TCF3: variants seen among roughly 807,000 people sequenced by gnomAD.
TCF3 encodes the protein transcription factor E2-alpha.
TCF3 carries 54 observed loss-of-function variants against 72.3 expected under a neutral mutation model. The ratio of observed to expected loss-of-function variants is 0.75; its 90% CI spans 0.60 to 0.94. TCF3 has a LOEUF of 0.94. TCF3 is among the 40% of genes least tolerant of loss of function. The probability of loss-of-function intolerance (pLI) is 0.00; values close to 1 mark genes in which losing one functional copy is unlikely to be tolerated. For synonymous variants in TCF3, 525 were observed against 412.6 expected, an observed-to-expected ratio of 1.27 and a Z score of -3.30; for missense variants, 1,078 against 934.4, an observed-to-expected ratio of 1.15 and a Z score of -2.00.
Position 1,611,580 on chromosome 19 carries a change from G to A in TCF3, c.*127C>T. On this transcript the variant is annotated 3_prime_UTR_variant, in exon 19 of 19. Transcript: ENST00000262965. Reference sequence around the variant, plus strand: ...TCACTCCGAACCTTGTCAGGTTGGTGTTGGCTCGATGCTGACAACAGGTGT... The same window carrying A: ...TCACTCCGAACCTTGTCAGGTTGGTATTGGCTCGATGCTGACAACAGGTGT... The A allele has an allele frequency of 1.5e-6, 2 of 1,347,274 alleles. No homozygotes were observed. The highest frequency in any genetic ancestry group is 2.5e-5 in the East Asian group (1 of 39,672). 83.5% of individuals were successfully genotyped at this position (1,347,274 alleles called of 1,614,324 possible).
chr19:1,626,435 C>T (rs180756249), intron 6 of TCF3, among the ~76,000 whole-genome samples: 8 of 150,918 alleles, frequency 5.3e-5, no homozygotes, highest in Non-Finnish European at 1.2e-4. Flanking sequence ...GGGCCATGAG[C>T]GAAACTCCGT....
intron 3 of TCF3, among the ~76,000 whole-genome samples, chr19:1,634,918 C>A (rs1430686599): frequency 1.3e-5 from 2 of 152,220 alleles, no homozygotes; most frequent in Non-Finnish European, 2.9e-5. Context: ...ATCTGTCCTG[C>A]ACAGCCAACA....
At chr19:1,629,013 A>C (rs113296517) in intron 5 of TCF3, among the ~76,000 whole-genome samples, 1 of 25,538 alleles carries the variant, frequency 3.9e-5, no homozygotes, top group Admixed American at 4.5e-4. Flanking sequence ...CACGGGGGTG[A>C]GGCGGGAAGG....
Position 1,611,314 on chromosome 19 carries a change from T to A in TCF3, c.*393A>T. The A allele has an allele frequency of 5.3e-6, 2 of 378,244 alleles. No individual in the cohort carries two copies. Among genetic ancestry groups the A allele is most frequent in the African/African-American group, 2.1e-5 (1 of 48,426 alleles). 23.4% of individuals were successfully genotyped at this position (378,244 alleles called of 1,614,324 possible). On this transcript the variant is annotated 3_prime_UTR_variant, in exon 19 of 19. Coordinates refer to ENST00000262965, the MANE Select transcript of TCF3 (RefSeq NM_003200.5). ...TTCTCCGCTTTTTATAGTTAAGGCATTTTTTTCTTCTCTGACAAAGTGTAT... is the reference window on the plus strand; with the variant it reads ...TTCTCCGCTTTTTATAGTTAAGGCAATTTTTTCTTCTCTGACAAAGTGTAT...
intron 3 of TCF3, 38 bp from the exon 4 acceptor site, chr19:1,632,443 C>T (rs540989160): frequency 7.7e-6 from 12 of 1,549,190 alleles, no homozygotes; most frequent in Admixed American, 1.9e-5. Context: ...GTCACCCTCA[C>T]GCCTGCCCAG....
chr19:1,638,305 G>T (rs543411143), intron 3 of TCF3, among the ~76,000 whole-genome samples: 37 of 152,306 alleles, frequency 2.4e-4, no homozygotes, highest in African/African-American at 8.4e-4. Flanking sequence ...ACTATTTAAT[G>T]ATACAAATGT....
chr19:1,643,266 G>A (rs1292538856), intron 3 of TCF3, among the ~76,000 whole-genome samples: 1 of 152,184 alleles, frequency 6.6e-6, no homozygotes, highest in Non-Finnish European at 1.5e-5. Context: ...TGTCACCCAG[G>A]CTGCAGGGCA....
At chr19:1,636,755 G>A (rs543561363) in intron 3 of TCF3, among the ~76,000 whole-genome samples, 1 of 152,158 alleles carries the variant, frequency 6.6e-6, no homozygotes, top group Non-Finnish European at 1.5e-5. Flanking sequence ...AGGATCCCGA[G>A]TGGGGGAGAA....
chr19:1,629,937 C>T (rs536109957), intron 5 of TCF3, among the ~76,000 whole-genome samples: 12 of 152,296 alleles, frequency 7.9e-5, no homozygotes, highest in African/African-American at 2.6e-4. Context: ...AGGCCACACC[C>T]GGCCACAGCA....
At chr19:1,642,276 G>GCACGCA (rs2065431540) in intron 3 of TCF3, among the ~76,000 whole-genome samples, 5 of 128,554 alleles carry the variant, frequency 3.9e-5, no homozygotes, top group Non-Finnish European at 5.3e-5. Flanking sequence ...GCACGCACAC[G>GCACGCA]CACAGACGCG....
At chr19:1,621,720 C>CT in intron 11 of TCF3, 118 bp downstream of exon 11, 1 of 1,334,946 alleles carries the variant, frequency 7.5e-7, no homozygotes, top group Non-Finnish European at 9.9e-7. Flanking sequence ...CAACAACCCG[C>CT]TCTCAGGGCC....
At position 1,622,084 on chromosome 19, in the gene TCF3, C is replaced by A; in HGVS notation, c.792G>T (p.Thr264=). Residue 264 remains threonine, a synonymous_variant, in exon 10 of 19, where the codon ACG becomes ACT. Coordinates refer to ENST00000262965, the MANE Select transcript of TCF3 (RefSeq NM_003200.5). Reference sequence around the variant, plus strand: ...GCTCGTGCTGGTGCAGGCCACCAAACGTGCTGCTGCTTCCACTGCTGCCCA... The same window carrying A: ...GCTCGTGCTGGTGCAGGCCACCAAAAGTGCTGCTGCTTCCACTGCTGCCCA... The part of the protein sequence containing the change: ...GPVGSSGSSS[T]FGGLHQHERM... 4.4e-6 allele frequency: 7 copies of A among 1,600,962 alleles called. No individual in the cohort carries two copies. The highest frequency in any genetic ancestry group is 6.0e-6 in the Non-Finnish European group (7 of 1,174,944).
At chr19:1,635,063 C>T (rs1046702308) in intron 3 of TCF3, among the ~76,000 whole-genome samples, 4 of 152,220 alleles carry the variant, frequency 2.6e-5, no homozygotes, top group East Asian at 3.8e-4. Flanking sequence ...GGTTACCATG[C>T]CGGGCAGGCA....
intron 3 of TCF3, among the ~76,000 whole-genome samples, chr19:1,642,248 A>G (rs1440035475): frequency 4.6e-5 from 7 of 151,032 alleles, no homozygotes; most frequent in East Asian, 3.9e-4. Context: ...GCAGACGCAC[A>G]CACACGTGCG....
intron 3 of TCF3, among the ~76,000 whole-genome samples, chr19:1,634,016 T>C (rs1052760178): frequency 7.2e-5 from 11 of 152,200 alleles, no homozygotes; most frequent in African/African-American, 2.7e-4. Flanking sequence ...CCTCATCCCC[T>C]GGAAGGCCTG....
chr19:1,627,430 C>A lies in TCF3; in HGVS notation c.299-4G>T. The A allele has an allele frequency of 6.2e-7, 1 of 1,611,830 alleles. No individual in the cohort carries two copies. Among genetic ancestry groups the A allele is most frequent in the Non-Finnish European group, 8.5e-7 (1 of 1,179,618 alleles). ...GCGCCCCGCTCACCGCTCTTGCCTG[C>A]AAGGGGAGAAGGAAGGTTAGTGGGA... On this transcript the variant is annotated splice_region_variant and splice_polypyrimidine_tract_variant and intron_variant, in intron 5 of 18. Transcript: ENST00000262965.
Position 1,625,718 on chromosome 19 carries a change from A to G in TCF3, c.367-10T>C. 2.0e-6 allele frequency: 3 copies of G among 1,493,324 alleles called. No homozygotes were observed. Among genetic ancestry groups the G allele is most frequent in the Non-Finnish European group, 2.7e-6 (3 of 1,127,718 alleles). 92.5% of individuals were successfully genotyped at this position (1,493,324 alleles called of 1,614,324 possible). Reference sequence around the variant, plus strand: ...CTGACAGGAAGCCAGCCTGGTGGGGAGCGGATGGTCAGAAAGCGCCCAGCT... The same window carrying G: ...CTGACAGGAAGCCAGCCTGGTGGGGGGCGGATGGTCAGAAAGCGCCCAGCT... On this transcript the variant is annotated splice_polypyrimidine_tract_variant and intron_variant, in intron 6 of 18. Transcript: ENST00000262965.
rs2060835799 is a variant in TCF3 at position 1,609,422 on chromosome 19, T to A, written c.*2285A>T. On this transcript the variant is annotated 3_prime_UTR_variant, in exon 19 of 19. Coordinates refer to ENST00000262965, the MANE Select transcript of TCF3 (RefSeq NM_003200.5). ...GCTGTGTTGACACGTATACAATTAT[T>A]TTCTTTAAAAAAATTTTTTTGAAAA... is the stretch of plus-strand genomic sequence containing the variant. The A allele has an allele frequency of 1.4e-5, 3 of 211,132 alleles. No individual in the cohort carries two copies. The East Asian group carries it at 2.1e-4, about 15-fold the overall frequency. 13.1% of individuals were successfully genotyped at this position (211,132 alleles called of 1,614,324 possible).
At chr19:1,634,072 C>T (rs567289054) in intron 3 of TCF3, among the ~76,000 whole-genome samples, 15 of 152,316 alleles carry the variant, frequency 9.8e-5, no homozygotes, top group African/African-American at 2.4e-4. Context: ...GGATCGCCCC[C>T]GAAGTTCACT....
Sources: allele counts gnomAD v4.1 joint callset (sites outside exome capture counted in the v4.1 genomes callset), GRCh38; gene constraint gnomAD v4.1.1; transcripts MANE v1.5; gene names NCBI Gene and HGNC (gene_info 2026-07-23, HGNC 2026-07-21).